Variants in ADD1 observed in about 807,000 individuals in gnomAD.
ADD1 encodes alpha-adducin.
ADD1 carries 24 observed loss-of-function variants against 80.5 expected under a neutral mutation model. That is an observed-to-expected ratio of 0.30 (90% CI 0.22 to 0.42). ADD1 has a LOEUF of 0.42. Among genes scored for constraint, ADD1 ranks in the 10% least tolerant of loss-of-function variants. The pLI, the probability that ADD1 is intolerant of heterozygous loss-of-function variation, is 1.00. For synonymous variants in ADD1, 373 were observed against 393.8 expected, an observed-to-expected ratio of 0.95 and a Z score of 0.63; for missense variants, 948 against 1,019.0, an observed-to-expected ratio of 0.93 and a Z score of 0.95.
chr4:2,910,859 A>G (rs945221081), intron 13 of ADD1, among the ~76,000 whole-genome samples: 6 of 152,156 alleles, frequency 3.9e-5, no homozygotes, highest in African/African-American at 1.4e-4. Flanking sequence ...CGCTGACCCC[A>G]GAGGAAGAGA....
chr4:2,872,489 T>C (rs979634670), intron 1 of ADD1, among the ~76,000 whole-genome samples: 4 of 152,250 alleles, frequency 2.6e-5, no homozygotes, highest in Non-Finnish European at 5.9e-5. Context: ...TTTTATACTC[T>C]TTTATCTGTA....
intron 14 of ADD1, 124 bp from the exon 15 acceptor site, chr4:2,925,890 G>C (rs937449187): frequency 4.3e-6 from 3 of 704,598 alleles, no homozygotes; most frequent in African/African-American, 3.6e-5. Flanking sequence ...TCAGGGAAAG[G>C]GTTGAGAGAG....
Position 2,894,630 on chromosome 4 carries a change from C to T in ADD1, c.640C>T (p.Leu214=). 1 of 1,609,658 alleles carries T rather than the reference C, an allele frequency of 6.2e-7. No homozygotes were observed. Among genetic ancestry groups the T allele is most frequent in the Non-Finnish European group, 8.5e-7 (1 of 1,178,648 alleles). The change falls in exon 6 of 16, where the codon CTG becomes TTG. Residue 214 remains leucine (L), a synonymous_variant. Coordinates refer to ENST00000683351, the MANE Select transcript of ADD1 (RefSeq NM_001354761.2). The part of the protein sequence containing the change: ...GDIVDRGSTN[L]GVNQAGFTLH... ...TATAGTAGATCGTGGAAGCACTAAT[C>T]TGGGAGTGAATCAGGCCGGCTTCAC...
In ADD1 at chr4:2,845,176, A is replaced by G. The variant is rs370273641; in HGVS notation, c.-21+1152A>G. Reference sequence around the variant, plus strand: ...CAATCTCCGCCTCCCAGGTTCAAGCAATTCTCCTACCTCAGCCTCCCGAGT... The same window carrying G: ...CAATCTCCGCCTCCCAGGTTCAAGCGATTCTCCTACCTCAGCCTCCCGAGT... On this transcript the variant is annotated intron_variant, in intron 1 of 15. Transcript: ENST00000683351. 1.1e-3 allele frequency among the ~76,000 whole-genome samples: 167 copies of G among 152,086 alleles called. 1 individual carries two copies. The highest frequency in any genetic ancestry group is 3.6e-3 in the Admixed American group (55 of 15,270).
rs780801675 is a variant in ADD1, at chr4:2,852,234, T to TCTTTC, written c.-21+8211_-21+8215dup. Among the ~76,000 whole-genome samples, 512 of 142,692 alleles carry TCTTTC rather than the reference T, an allele frequency of 3.6e-3. 6 individuals are homozygous for TCTTTC. The highest frequency in any genetic ancestry group is 5.7e-3 in the Non-Finnish European group (372 of 65,174). The allele number at this position is 142,692 out of a possible 152,430, so 93.6% of individuals were successfully genotyped here. The stretch of plus-strand genomic sequence containing the variant: ...TTTCCTTTCTTTCCTTTCTTTCCTT[T>TCTTTC]CTTTCTTTCTTTCTCTTTCTTTCTT... On this transcript the variant is annotated intron_variant, in intron 1 of 15. Coordinates refer to ENST00000683351, the MANE Select transcript of ADD1 (RefSeq NM_001354761.2).
At chr4:2,895,952 A>T (rs1471020129) in intron 6 of ADD1, among the ~76,000 whole-genome samples, 1 of 150,084 alleles carries the variant, frequency 6.7e-6, no homozygotes, top group Non-Finnish European at 1.5e-5. Context: ...CAATGGCGCG[A>T]TCGCGGCTCA....
rs1324663753 is a variant in ADD1, at chr4:2,898,236, T to C, written c.794T>C (p.Leu265Pro). The change falls in exon 7 of 16, where the codon CTT becomes CCT. Residue 265 changes from leucine (L) to proline (P), a missense_variant. Leu to Pro is a moderately conservative substitution (Grantham distance 98). Coordinates refer to ENST00000683351, the MANE Select transcript of ADD1 (RefSeq NM_001354761.2). Reference sequence around the variant, plus strand: ...CCAATCTCCCCGGAGGCGCTTTCCCTTGGAGAAGTGGCTTATCATGACTAC... The same window carrying C: ...CCAATCTCCCCGGAGGCGCTTTCCCCTGGAGAAGTGGCTTATCATGACTAC... ...LLPISPEALSLGEVAYHDYHG... is the reference protein window; with the variant it reads ...LLPISPEALSPGEVAYHDYHG... 1 of 1,614,200 alleles carries C rather than the reference T, an allele frequency of 6.2e-7. No individual in the cohort carries two copies. The highest frequency in any genetic ancestry group is 1.1e-5 in the South Asian group (1 of 91,084).
chr4:2,874,282 C>A (rs1730900079), intron 1 of ADD1, among the ~76,000 whole-genome samples: 1 of 151,980 alleles, frequency 6.6e-6, no homozygotes, highest in Non-Finnish European at 1.5e-5. Context: ...ATGTTTAGTC[C>A]CCCAATTGTT....
chr4:2,908,049 T>C (rs1737362329), intron 11 of ADD1, among the ~76,000 whole-genome samples: 1 of 152,230 alleles, frequency 6.6e-6, no homozygotes, highest in Admixed American at 6.5e-5. Flanking sequence ...CCCTATTGAT[T>C]CTTGAACTGA....
At chr4:2,883,313 A>G (rs1732686083) in intron 3 of ADD1, among the ~76,000 whole-genome samples, 1 of 151,634 alleles carries the variant, frequency 6.6e-6, no homozygotes, top group Non-Finnish European at 1.5e-5. Context: ...GTGATGAACA[A>G]TTAGTTTTTT....
intron 1 of ADD1, among the ~76,000 whole-genome samples, chr4:2,872,445 A>G (rs1407169921): frequency 6.6e-6 from 1 of 152,256 alleles, no homozygotes; most frequent in Admixed American, 6.5e-5. Flanking sequence ...GCATTACATA[A>G]TAGAATAAGA....
chr4:2,881,985 G>A lies in ADD1; in HGVS notation c.283G>A (p.Ala95Thr), dbSNP rs747752144. ...AGGCCTATTGGCATTACAGCAGATT[G>A]CAGATTTTATGACCACGAATGTACC... is the stretch of plus-strand genomic sequence containing the variant. ...PTGLLALQQIADFMTTNVPNV... is the reference protein window; with the variant it reads ...PTGLLALQQITDFMTTNVPNV... Residue 95 changes from alanine (A) to threonine (T), a missense_variant, in exon 3 of 16, where the codon GCA becomes ACA. Coordinates refer to ENST00000683351, the MANE Select transcript of ADD1 (RefSeq NM_001354761.2). The A allele has an allele frequency of 1.2e-5, 19 of 1,613,228 alleles. No individual in the cohort carries two copies. Among genetic ancestry groups the A allele is most frequent in the Non-Finnish European group, 1.4e-5 (17 of 1,179,820 alleles).
Position 2,909,388 on chromosome 4 carries a change from C to T in ADD1, c.1748C>T (p.Thr583Ile), listed in dbSNP as rs1737617512. The T allele has an allele frequency of 6.4e-7, 1 of 1,550,416 alleles. No homozygotes were observed. ...GAAACTATCGAAGGGCTCGAGCTTACAGAGCAGACCTTTAGTCCCGCTAAA... is the reference window on the plus strand; with the variant it reads ...GAAACTATCGAAGGGCTCGAGCTTATAGAGCAGACCTTTAGTCCCGCTAAA... ...CTETIEGLEL[T>I]EQTFSPAKSL... The change falls in exon 13 of 16, where the codon ACA (threonine) becomes ATA (isoleucine). Residue 583 changes from threonine (T) to isoleucine (I), a missense_variant. Physicochemically the swap from Thr to Ile is moderately conservative, Grantham distance 89 (BLOSUM62 -1). Coordinates refer to ENST00000683351, the MANE Select transcript of ADD1 (RefSeq NM_001354761.2).
rs537356521 is a variant in ADD1 at position 2,881,338 on chromosome 4, T to G, written c.196-560T>G. Among the ~76,000 whole-genome samples the G allele has an allele frequency of 2.1e-3, 323 of 152,138 alleles. 4 individuals carry two copies. Among genetic ancestry groups the G allele is most frequent in the Admixed American group, 5.2e-3 (79 of 15,270 alleles). The stretch of plus-strand genomic sequence containing the variant: ...AGGTGATCCACCTGCCTTCGCCTCC[T>G]AAAGTGCTGGGATTCCAGGCATGAG... On this transcript the variant is annotated intron_variant, in intron 2 of 15. Coordinates refer to ENST00000683351, the MANE Select transcript of ADD1 (RefSeq NM_001354761.2).
chr4:2,866,494 GTT>G lies in ADD1; in HGVS notation c.-20-9391_-20-9390del, dbSNP rs10717054. On this transcript the variant is annotated intron_variant, in intron 1 of 15. Coordinates refer to ENST00000683351, the MANE Select transcript of ADD1 (RefSeq NM_001354761.2). Reference sequence around the variant, plus strand: ...CCTGGCCTGGAGGTTATTTTAAATCGTTTTTTTTTTTTGGGATGAAAACAAAT... The same window carrying G: ...CCTGGCCTGGAGGTTATTTTAAATCGTTTTTTTTTTGGGATGAAAACAAAT... Among the ~76,000 whole-genome samples the G allele has an allele frequency of 5.2e-4, 77 of 146,856 alleles. 1 individual carries two copies. The South Asian group carries it at 0.014, about 28-fold the overall frequency.
chr4:2,924,535 C>T (rs184883522), intron 14 of ADD1, among the ~76,000 whole-genome samples: 10 of 152,318 alleles, frequency 6.6e-5, no homozygotes, highest in Admixed American at 1.3e-4. Context: ...GCTGGAGCCA[C>T]CTTGTTGTGT....
At chr4:2,872,530 T>C (rs1484449446) in intron 1 of ADD1, among the ~76,000 whole-genome samples, 1 of 152,232 alleles carries the variant, frequency 6.6e-6, no homozygotes, top group Non-Finnish European at 1.5e-5. Flanking sequence ...AGTTACATGA[T>C]ATTGTATTGA....
chr4:2,894,666 G>A lies in ADD1; in HGVS notation c.676G>A (p.Ala226Thr), dbSNP rs1271609474. The change falls in exon 6 of 16, where the codon GCA (alanine) becomes ACA (threonine). Residue 226 changes from alanine to threonine, a missense_variant. Physicochemically the swap from Ala to Thr is moderately conservative, Grantham distance 58. Coordinates refer to ENST00000683351, the MANE Select transcript of ADD1 (RefSeq NM_001354761.2). ...VNQAGFTLHS[A>T]IYAARPDVKC... ...TCAGGCCGGCTTCACCTTACACTCT[G>A]CAATTTATGCTGCACGCCCGGACGT... The A allele has an allele frequency of 6.2e-7, 1 of 1,607,196 alleles. No individual in the cohort carries two copies. The highest frequency in any genetic ancestry group is 1.1e-5 in the South Asian group (1 of 89,366).
At chr4:2,893,718 G>T (rs913227413) in intron 4 of ADD1, among the ~76,000 whole-genome samples, 2 of 152,168 alleles carry the variant, frequency 1.3e-5, no homozygotes, top group African/African-American at 4.8e-5. Flanking sequence ...GTGTGACAGA[G>T]TAACCCAGCA....
Sources: allele counts gnomAD v4.1 joint callset (sites outside exome capture counted in the v4.1 genomes callset), GRCh38; gene constraint gnomAD v4.1.1; transcripts MANE v1.5; gene names NCBI Gene and HGNC (gene_info 2026-07-23, HGNC 2026-07-21).